The following DHRS3 variants were observed in gnomAD, a reference collection of about 807,000 sequenced individuals.
DHRS3 encodes short-chain dehydrogenase/reductase 3.
Under a neutral mutation model 27.2 loss-of-function variants are expected in DHRS3, and 14 were observed. The observed-to-expected ratio is 0.52, with a 90% CI of 0.34 to 0.81. The LOEUF (loss-of-function observed/expected upper bound fraction) is 0.81. Ranked by LOEUF, DHRS3 falls within the 30% of genes least tolerant of loss-of-function variation. The probability of loss-of-function intolerance (pLI) is 0.01; values close to 1 mark genes in which losing one functional copy is unlikely to be tolerated. For missense variants in DHRS3, 322 were observed against 406.2 expected, an observed-to-expected ratio of 0.79 and a Z score of 1.78; for synonymous variants, 165 against 175.9, an observed-to-expected ratio of 0.94 and a Z score of 0.49.
At chr1:12,604,396 C>T (rs960732851) in intron 1 of DHRS3, among the ~76,000 whole-genome samples, 1 of 152,198 alleles carries the variant, frequency 6.6e-6, no homozygotes, top group Non-Finnish European at 1.5e-5. Context: ...TTAAAAGAAA[C>T]CCTGATAACT....
intron 1 of DHRS3, among the ~76,000 whole-genome samples, chr1:12,584,677 C>G (rs1158862622): frequency 1.3e-5 from 2 of 152,206 alleles, no homozygotes. Context: ...GGCCCCAGAA[C>G]CTTCCACTCA....
At chr1:12,580,449 A>G in intron 2 of DHRS3, 74 bp downstream of exon 2, 3 of 1,605,496 alleles carry the variant, frequency 1.9e-6, no homozygotes, top group African/African-American at 1.3e-5. Context: ...TCCAGGCCAC[A>G]TGAGAATGTT....
At chr1:12,585,806 G>T (rs1378520057) in intron 1 of DHRS3, among the ~76,000 whole-genome samples, 3 of 152,252 alleles carry the variant, frequency 2.0e-5, no homozygotes, top group African/African-American at 7.2e-5. Context: ...CATGAGGACT[G>T]GGCGGGCGGA....
rs1032474948 is a variant in DHRS3, at chr1:12,568,018, C to A, written c.*322G>T. ...GAGGCAGAGCATCTGGGGACAGACC[C>A]TCCTGGAAATGGTCTATGCACACTG... On this transcript the variant is annotated 3_prime_UTR_variant, in exon 6 of 6. Coordinates refer to ENST00000616661, the MANE Select transcript of DHRS3 (RefSeq NM_004753.7). 2.5e-5 allele frequency: 5 copies of A among 196,390 alleles called. No homozygotes were observed. Among genetic ancestry groups the A allele is most frequent in the Non-Finnish European group, 3.1e-5 (3 of 95,766 alleles). 12.2% of individuals were successfully genotyped at this position (196,390 alleles called of 1,614,324 possible).
chr1:12,581,522 A>G (rs942086048), intron 1 of DHRS3, among the ~76,000 whole-genome samples: 1 of 152,208 alleles, frequency 6.6e-6, no homozygotes, highest in African/African-American at 2.4e-5. Context: ...AGAAGGAAGC[A>G]TGGCCTCACC....
At chr1:12,580,324 T>G (rs755024735) in intron 2 of DHRS3, 199 bp downstream of exon 2, 1 of 657,110 alleles carries the variant, frequency 1.5e-6, no homozygotes, top group Non-Finnish European at 2.7e-6. Flanking sequence ...CAACAGATGA[T>G]TACGCCTGTT....
chr1:12,584,953 G>A (rs1646679598), intron 1 of DHRS3, among the ~76,000 whole-genome samples: 1 of 151,814 alleles, frequency 6.6e-6, no homozygotes, highest in Non-Finnish European at 1.5e-5. Flanking sequence ...GTCTCTCCGT[G>A]TGTCTGTGGG....
At position 12,586,922 on chromosome 1, in the gene DHRS3, T is replaced by C. The variant is rs1305240870; in HGVS notation, c.196-6256A>G. ...CTAACTGCTCAGTACCCACTCCCTG[T>C]TGGTATTTCCCGTGGGGAGGAAAAG... is the stretch of plus-strand genomic sequence containing the variant. On this transcript the variant is annotated intron_variant, in intron 1 of 5. Transcript: ENST00000616661. The surrounding 1 kb of genome is among the most constrained non-coding windows in gnomAD (Gnocchi z 5.0). Among the ~76,000 whole-genome samples, 1 of 152,106 alleles carries C rather than the reference T, an allele frequency of 6.6e-6. No homozygotes were observed. Among genetic ancestry groups the C allele is most frequent in the Non-Finnish European group, 1.5e-5 (1 of 68,028 alleles).
intron 4 of DHRS3, among the ~76,000 whole-genome samples, chr1:12,577,132 A>G (rs4845907): frequency 0.35 from 53,271 of 151,834 alleles, 10,467 homozygotes; most frequent in East Asian, 0.64. Flanking sequence ...CAGCTGCAAT[A>G]TATAATCAGA....
chr1:12,592,314 C>G lies in DHRS3; in HGVS notation c.196-11648G>C, dbSNP rs1646753550. Among the ~76,000 whole-genome samples the G allele has an allele frequency of 6.6e-6, 1 of 152,166 alleles. No homozygotes were observed. The highest frequency in any genetic ancestry group is 2.4e-5 in the African/African-American group (1 of 41,426). On this transcript the variant is annotated intron_variant, in intron 1 of 5. Transcript: ENST00000616661. This position sits in a 1 kb window ranked among gnomAD's most constrained non-coding sequence, Gnocchi z 4.2. Reference sequence around the variant, plus strand: ...TGGTACCTGTGAATGTGACCTTATGCTGAAAGAGGGTCTTTGGAATTGAGT... The same window carrying G: ...TGGTACCTGTGAATGTGACCTTATGGTGAAAGAGGGTCTTTGGAATTGAGT...
intron 1 of DHRS3, among the ~76,000 whole-genome samples, chr1:12,603,611 C>T (rs1056944324): frequency 1.3e-5 from 2 of 152,052 alleles, no homozygotes; most frequent in Admixed American, 6.5e-5. Context: ...GCATGGGGAC[C>T]GCGGGGCTTG....
chr1:12,578,696 G>T lies in DHRS3; in HGVS notation c.698+22C>A, dbSNP rs1313530622. On this transcript the variant is annotated intron_variant, in intron 4 of 5. Coordinates refer to ENST00000616661, the MANE Select transcript of DHRS3 (RefSeq NM_004753.7). The surrounding 1 kb of genome is among the most constrained non-coding windows in gnomAD (Gnocchi z 4.5). ...AGGCAGGTGAGAAGGCTGGTCTCAA[G>T]GTGGGTCCCCTGCTCACTGACCTGA... The T allele has an allele frequency of 2.5e-6, 4 of 1,598,602 alleles. No homozygotes were observed.
Position 12,578,605 on chromosome 1 carries a change from C to T in DHRS3, c.698+113G>A. ...AAATGCTAGGATTATAGGTATGAGG[C>T]ACCGTGCCTAGCCCGATTTTTATAT... is the stretch of plus-strand genomic sequence containing the variant. On this transcript the variant is annotated intron_variant, in intron 4 of 5. Transcript: ENST00000616661. The surrounding 1 kb of genome is among the most constrained non-coding windows in gnomAD (Gnocchi z 4.5). 8 of 1,067,136 alleles carry T rather than the reference C, an allele frequency of 7.5e-6. No homozygotes were observed. The highest frequency in any genetic ancestry group is 7.0e-6 in the Non-Finnish European group (5 of 709,862). The allele number at this position is 1,067,136 out of a possible 1,614,324, so 66.1% of individuals were successfully genotyped here.
chr1:12,600,502 A>T (rs1308852846), intron 1 of DHRS3: 6 of 578,428 alleles, frequency 1.0e-5, no homozygotes, highest in Non-Finnish European at 1.1e-5. Context: ...GGGTGGACAG[A>T]CGCCATGTGG....
rs1266163973 is a variant in DHRS3, at chr1:12,572,850, A to G, written c.702T>C (p.Phe234=). The change falls in exon 5 of 6, where the codon TTT becomes TTC. Residue 234 remains phenylalanine (F), a synonymous_variant. Transcript: ENST00000616661. ...TEMFQGMRVR[F]PNLFPPLKPE... is the part of the protein sequence containing the mutation. ...GCTTCAGTGGGGGAAAGAGGTTGGG[A>G]AACCTGAACACAGGAAGAGACACAG... 2 of 1,598,332 alleles carry G rather than the reference A, an allele frequency of 1.3e-6. No homozygotes were observed. Among genetic ancestry groups the G allele is most frequent in the Admixed American group, 1.8e-5 (1 of 56,654 alleles).
chr1:12,569,123 CAGG>C (rs554873399), intron 5 of DHRS3, among the ~76,000 whole-genome samples: 186 of 152,048 alleles, frequency 1.2e-3, no homozygotes, highest in African/African-American at 4.4e-3. Flanking sequence ...GAGACTGAGG[CAGG>C]AGAATTGCTT....
In DHRS3 at chr1:12,617,153, C is replaced by A; in HGVS notation, c.195+1G>T. ...CTCCCTGGAGTCGCAGTGCCTGGTACCTTTCTGGCGCCGCGCTCCGCGAAC... is the reference window on the plus strand; with the variant it reads ...CTCCCTGGAGTCGCAGTGCCTGGTAACTTTCTGGCGCCGCGCTCCGCGAAC... On this transcript the variant is annotated splice_donor_variant, in intron 1 of 5. Transcript: ENST00000616661. LOFTEE classifies it high-confidence loss of function. 6.2e-7 allele frequency: 1 copy of A among 1,610,772 alleles called. No homozygotes were observed. The highest frequency in any genetic ancestry group is 8.5e-7 in the Non-Finnish European group (1 of 1,179,420).
In DHRS3 at chr1:12,608,649, G is replaced by A. The variant is rs147895929; in HGVS notation, c.195+8505C>T. 6.6e-6 allele frequency among the ~76,000 whole-genome samples: 1 copy of A among 151,938 alleles called. No individual in the cohort carries two copies. Among genetic ancestry groups the A allele is most frequent in the African/African-American group, 2.4e-5 (1 of 41,216 alleles). ...ATCAAAGGGTAGAAGGGACCTAGGA[G>A]GTTGTCCAGAACCTAACCTCCCCCA... On this transcript the variant is annotated intron_variant, in intron 1 of 5. Coordinates refer to ENST00000616661, the MANE Select transcript of DHRS3 (RefSeq NM_004753.7). The surrounding 1 kb of genome is among the most constrained non-coding windows in gnomAD (Gnocchi z 4.1).
In DHRS3 at chr1:12,569,231, T is replaced by TCTCTCACACACACA. The variant is rs1557509331; in HGVS notation, c.825-808_825-807insTGTGTGTGTGAGAG. 1.4e-4 allele frequency among the ~76,000 whole-genome samples: 16 copies of TCTCTCACACACACA among 110,578 alleles called. No homozygotes were observed. The East Asian group carries it at 1.7e-3, about 12-fold the overall frequency. The allele number at this position is 110,578 out of a possible 152,430, so 72.5% of individuals were successfully genotyped here. A position where few individuals can be genotyped will look rare whatever the true frequency, so the allele number is the denominator to read the frequency against. On this transcript the variant is annotated intron_variant, in intron 5 of 5. Coordinates refer to ENST00000616661, the MANE Select transcript of DHRS3 (RefSeq NM_004753.7). Reference sequence around the variant, plus strand: ...AAACTCTGTCCCCTCTCTCTCTCTCTCACACACACACACACACACACACAC... The same window carrying TCTCTCACACACACA: ...AAACTCTGTCCCCTCTCTCTCTCTCTCTCTCACACACACACACACACACACACACACACACACAC...
Sources: allele counts gnomAD v4.1 joint callset (sites outside exome capture counted in the v4.1 genomes callset), GRCh38; gene constraint gnomAD v4.1.1; non-coding constraint Gnocchi (gnomAD v3.1); transcripts MANE v1.5; gene names NCBI Gene and HGNC (gene_info 2026-07-23, HGNC 2026-07-21).